Variants in CCL26 observed in about 807,000 individuals in gnomAD.
The protein encoded by CCL26 is C-C motif chemokine ligand 26.
A neutral mutation model predicts 10.7 loss-of-function variants in CCL26; 10 were observed. The observed-to-expected ratio is 0.93, with a 90% confidence interval of 0.57 to 1.58. The LOEUF (loss-of-function observed/expected upper bound fraction) is 1.58, where lower values mean the gene tolerates loss of function less well. Among genes scored for constraint, CCL26 ranks in the 40% most tolerant of loss-of-function variants. The pLI is 0.00. For missense variants in CCL26, 116 were observed against 111.0 expected (o/e 1.05, Z -0.20); for synonymous variants, 43 against 41.4 (o/e 1.04, Z -0.15).
chr7:75,790,107 TTC>T (rs1803292014), upstream of CCL26, among the ~76,000 whole-genome samples: 1 of 145,526 alleles, frequency 6.9e-6, no homozygotes, highest in South Asian at 2.3e-4. Context: ...CTCCCTCCTT[TTC>T]TCTTTCTTTT....
In CCL26 at chr7:75,779,295, C is replaced by G. The variant is rs554657339; in HGVS notation, c.-78-7041G>C. On this transcript the variant is annotated intron_variant, in intron 1 of 3. Coordinates refer to the CCL26 transcript ENST00000394905. ...AATCCTGTTTGGTGGTCGCTTCACACGGACGCGAGTGGAATTTGGTGCTGT... is the reference window on the plus strand; with the variant it reads ...AATCCTGTTTGGTGGTCGCTTCACAGGGACGCGAGTGGAATTTGGTGCTGT... Among the ~76,000 whole-genome samples the G allele has an allele frequency of 2.0e-5, 3 of 152,252 alleles. No homozygotes were observed. The South Asian group carries it at 6.2e-4, about 32-fold the overall frequency.
Position 75,777,447 on chromosome 7 carries a change from G to A in CCL26, c.-78-5193C>T, listed in dbSNP as rs574285252. ...CTTGCAACTCACAACCTAATGCTGA[G>A]GGGAAAAAGTCAGATATAAGCCAGG... On this transcript the variant is annotated intron_variant, in intron 1 of 3. Transcript: ENST00000394905. 2.6e-5 allele frequency among the ~76,000 whole-genome samples: 4 copies of A among 152,056 alleles called. No homozygotes were observed. The South Asian group carries it at 8.3e-4, about 32-fold the overall frequency.
upstream of CCL26, chr7:75,772,225 C>G (rs1554528247): frequency 1.4e-6 from 2 of 1,384,042 alleles, no homozygotes; most frequent in Non-Finnish European, 2.0e-6. Context: ...CTCCTCCTGC[C>G]TGATCCCCTT....
At chr7:75,773,733 G>A (rs1238775268), upstream of CCL26, among the ~76,000 whole-genome samples, 3 of 151,438 alleles carry the variant, frequency 2.0e-5, no homozygotes, top group South Asian at 2.1e-4. Flanking sequence ...AAAATTAGCC[G>A]GGCTAATTTT....
At chr7:75,770,094 A>T (rs1389881433) in intron 2 of CCL26, among the ~76,000 whole-genome samples, 1 of 148,340 alleles carries the variant, frequency 6.7e-6, no homozygotes, top group Non-Finnish European at 1.5e-5. Context: ...TTTTGAGACG[A>T]ACTCTCACTC....
intron 1 of CCL26, among the ~76,000 whole-genome samples, chr7:75,785,272 A>G (rs1803158784): frequency 6.6e-6 from 1 of 152,128 alleles, no homozygotes; most frequent in African/African-American, 2.4e-5. Context: ...GCAGCTTACC[A>G]GGGCTGTGCT....
rs1802778612 is a variant in CCL26 at position 75,769,628 on chromosome 7, G to C, written c.*65C>G. ...GTAGCCTTCAGAAAAGATTCCGCAGGCTCCCCAGAGGGCTGCAGAGCCAAG... is the reference window on the plus strand; with the variant it reads ...GTAGCCTTCAGAAAAGATTCCGCAGCCTCCCCAGAGGGCTGCAGAGCCAAG... On this transcript the variant is annotated 3_prime_UTR_variant, in exon 3 of 3. Coordinates refer to ENST00000005180, the MANE Select transcript of CCL26 (RefSeq NM_001371938.1). The C allele has an allele frequency of 9.5e-7, 1 of 1,052,272 alleles. No individual in the cohort carries two copies. The highest frequency in any genetic ancestry group is 1.6e-5 in the African/African-American group (1 of 63,744). The allele number at this position is 1,052,272 out of a possible 1,614,324, so 65.2% of individuals were successfully genotyped here.
At chr7:75,776,615 G>A (rs1226973867), upstream of CCL26, among the ~76,000 whole-genome samples, 4 of 151,426 alleles carry the variant, frequency 2.6e-5, no homozygotes, top group Admixed American at 1.3e-4. Context: ...AAAGAAAGAA[G>A]AAGGAAAGAA....
At chr7:75,771,646 G>C (rs1254952536) in intron 2 of CCL26, among the ~76,000 whole-genome samples, 1 of 152,182 alleles carries the variant, frequency 6.6e-6, no homozygotes, top group Non-Finnish European at 1.5e-5. Context: ...AACCCGGGAG[G>C]GGGAGGTTGC....
chr7:75,788,947 A>C lies in CCL26; in HGVS notation c.-79+770T>G, dbSNP rs536077142. Among the ~76,000 whole-genome samples the C allele has an allele frequency of 3.3e-5, 5 of 151,598 alleles. 1 individual carries two copies. The South Asian group carries it at 1.0e-3, about 32-fold the overall frequency. ...TCTTTTTCTTGTTTTTTAAGATAGG[A>C]TCTCACTCTGTCACCCAGGCTGGAG... is the stretch of plus-strand genomic sequence containing the variant. On this transcript the variant is annotated intron_variant, in intron 1 of 3. Transcript: ENST00000394905.
At chr7:75,780,189 TG>T (rs1360306133) in intron 1 of CCL26, among the ~76,000 whole-genome samples, 2 of 151,450 alleles carry the variant, frequency 1.3e-5, no homozygotes, top group Non-Finnish European at 3.0e-5. Context: ...TCCACTTTCC[TG>T]GGGGGCAAGC....
At chr7:75,779,139 C>G (rs1474308314) in intron 1 of CCL26, among the ~76,000 whole-genome samples, 1 of 152,108 alleles carries the variant, frequency 6.6e-6, no homozygotes, top group Non-Finnish European at 1.5e-5. Flanking sequence ...GAGAACAACC[C>G]CATTTGACTG....
intron 1 of CCL26, among the ~76,000 whole-genome samples, chr7:75,785,143 TCCA>T (rs1554529844): frequency 6.6e-6 from 1 of 152,116 alleles, no homozygotes; most frequent in Non-Finnish European, 1.5e-5. Flanking sequence ...AATACCTTCC[TCCA>T]CAACTCACTA....
intron 1 of CCL26, among the ~76,000 whole-genome samples, chr7:75,789,406 TTCTC>T (rs145522312): frequency 6.7e-5 from 10 of 150,106 alleles, no homozygotes; most frequent in East Asian, 1.9e-4. Flanking sequence ...ATGAGAATAT[TTCTC>T]TCTCTCTCTC....
intron 1 of CCL26, among the ~76,000 whole-genome samples, chr7:75,787,810 T>C (rs1444548887): frequency 2.0e-5 from 3 of 152,114 alleles, no homozygotes; most frequent in African/African-American, 4.8e-5. Flanking sequence ...TTGGATGTCC[T>C]GGGTCCTCCC....
intron 1 of CCL26, among the ~76,000 whole-genome samples, chr7:75,781,396 C>T (rs1554529442): frequency 1.3e-5 from 2 of 152,218 alleles, no homozygotes. Flanking sequence ...GGGGTTCCTC[C>T]AGAACCTCCT....
upstream of CCL26, among the ~76,000 whole-genome samples, chr7:75,773,732 C>T (rs781911431): frequency 5.3e-5 from 8 of 151,532 alleles, no homozygotes; most frequent in East Asian, 2.0e-4. Flanking sequence ...AAAAATTAGC[C>T]GGGCTAATTT....
upstream of CCL26, among the ~76,000 whole-genome samples, chr7:75,777,091 G>A (rs1203832862): frequency 6.6e-6 from 1 of 152,106 alleles, no homozygotes; most frequent in Non-Finnish European, 1.5e-5. Flanking sequence ...AATTAGCCGG[G>A]TGTGGTGGTG....
In CCL26 at chr7:75,787,651, C is replaced by CAAAAAAAAAAAAAAAAAA. The variant is rs55770109; in HGVS notation, c.-79+2048_-79+2065dup. 3.2e-4 allele frequency among the ~76,000 whole-genome samples: 9 copies of CAAAAAAAAAAAAAAAAAA among 27,748 alleles called. 1 individual carries two copies. The highest frequency in any genetic ancestry group is 4.7e-4 in the Non-Finnish European group (8 of 17,126). 18.2% of individuals were successfully genotyped at this position (27,748 alleles called of 152,430 possible). On this transcript the variant is annotated intron_variant, in intron 1 of 3. Coordinates refer to the CCL26 transcript ENST00000394905. ...CAGAGTGAGACTCCGTCTCCAAAAGCAAAAAAAAAAAAAAAAAAAAAAAGA... is the reference window on the plus strand; with the variant it reads ...CAGAGTGAGACTCCGTCTCCAAAAGCAAAAAAAAAAAAAAAAAAAAAAAAAAAAAAAAAAAAAAAAAGA...
Sources: allele counts gnomAD v4.1 joint callset (sites outside exome capture counted in the v4.1 genomes callset), GRCh38; gene constraint gnomAD v4.1.1; transcripts MANE v1.5; gene names NCBI Gene and HGNC (gene_info 2026-07-23, HGNC 2026-07-21).